SMNDC1: variants seen among roughly 807,000 people sequenced by gnomAD.
SMNDC1 encodes the protein survival motor neuron domain containing 1, also known as survival of motor neuron-related-splicing factor 30.
Under a neutral mutation model 29.2 loss-of-function variants are expected in SMNDC1, and 5 were observed. That is an observed-to-expected ratio of 0.17 (90% confidence interval 0.09 to 0.36). SMNDC1 has a LOEUF of 0.36. Among genes scored for constraint, SMNDC1 ranks in the 10% least tolerant of loss-of-function variants. The pLI is 1.00. For missense variants in SMNDC1, 142 were observed against 268.5 expected (o/e 0.53, Z 3.29); for synonymous variants, 80 against 89.9 (o/e 0.89, Z 0.62).
At chr10:110,302,085 G>C (rs1421570139) in intron 2 of SMNDC1, among the ~76,000 whole-genome samples, 1 of 152,202 alleles carries the variant, frequency 6.6e-6, no homozygotes, top group Non-Finnish European at 1.5e-5. Flanking sequence ...AGTTGGTAAA[G>C]GTAGTCAAGG....
rs537902468 is a variant in SMNDC1 at position 110,303,442 on chromosome 10, A to T, written c.120+26T>A. 7.6e-5 allele frequency: 117 copies of T among 1,538,320 alleles called. 2 individuals carry two copies. The South Asian group carries it at 1.5e-3, about 19-fold the overall frequency. ...AGCAATAATTTGAAAAACAGAGAAA[A>T]AGTACAATTGTCTACCCATACTTAC... is the stretch of plus-strand genomic sequence containing the variant. On this transcript the variant is annotated intron_variant, in intron 2 of 5. Transcript: ENST00000369603.
At chr10:110,303,339 TG>T in intron 2 of SMNDC1, 128 bp downstream of exon 2, 1 of 699,284 alleles carries the variant, frequency 1.4e-6, no homozygotes, top group Non-Finnish European at 2.2e-6. Context: ...CTACAAGCAA[TG>T]GTACCTACAG....
intron 1 of SMNDC1, 79 bp from the exon 2 acceptor site, chr10:110,303,666 T>C: frequency 6.9e-7 from 1 of 1,442,342 alleles, no homozygotes. Context: ...CCTGTCTGCC[T>C]GAATTACCAG....
intron 4 of SMNDC1, among the ~76,000 whole-genome samples, chr10:110,296,098 C>T (rs1253051931): frequency 6.6e-6 from 1 of 152,118 alleles, no homozygotes; most frequent in Non-Finnish European, 1.5e-5. Flanking sequence ...TGAAGAGATT[C>T]GATGCAGATA....
intron 4 of SMNDC1, among the ~76,000 whole-genome samples, chr10:110,296,852 C>T (rs1857568671): frequency 6.6e-6 from 1 of 152,114 alleles, no homozygotes; most frequent in Non-Finnish European, 1.5e-5. Context: ...GCTCACCTCC[C>T]CCCTTTAAAA....
Position 110,293,959 on chromosome 10 carries a change from GATA to G in SMNDC1, c.*188_*190del, listed in dbSNP as rs1185422676. 6.6e-6 allele frequency: 3 copies of G among 456,262 alleles called. No individual in the cohort carries two copies. The highest frequency in any genetic ancestry group is 7.7e-5 in the East Asian group (2 of 26,136). The allele number at this position is 456,262 out of a possible 1,614,324, so 28.3% of individuals were successfully genotyped here. ...CAAACTTTGAGGGAACCGTGGTACT[GATA>G]ATGAGAAAAGTTAAATGAATAGCAG... On this transcript the variant is annotated 3_prime_UTR_variant, in exon 6 of 6. Transcript: ENST00000369603.
rs1175792539 is a variant in SMNDC1 at position 110,291,590 on chromosome 10, A to C, written c.*2560T>G. 1 of 152,216 alleles carries C rather than the reference A, an allele frequency of 6.6e-6. No individual in the cohort carries two copies. Among genetic ancestry groups the C allele is most frequent in the Non-Finnish European group, 1.5e-5 (1 of 68,042 alleles). 9.4% of individuals were successfully genotyped at this position (152,216 alleles called of 1,614,324 possible). The stretch of plus-strand genomic sequence containing the variant: ...TATGCCGGATACTCTTAAGCTATTT[A>C]CACATTTGAATTCAATCCTTAAAAC... On this transcript the variant is annotated 3_prime_UTR_variant, in exon 6 of 6. Transcript: ENST00000369603.
chr10:110,297,202 C>G (rs1170143242), intron 4 of SMNDC1, among the ~76,000 whole-genome samples: 1 of 152,192 alleles, frequency 6.6e-6, no homozygotes, highest in Non-Finnish European at 1.5e-5. Flanking sequence ...AATGTTTACA[C>G]TGTACTATTA....
chr10:110,298,816 A>G (rs1857606109), intron 2 of SMNDC1, 26 bp from the exon 3 acceptor site: 1 of 1,561,800 alleles, frequency 6.4e-7, no homozygotes, highest in South Asian at 1.1e-5. Flanking sequence ...AAAAACTACA[A>G]CATTATTTTT....
chr10:110,301,077 A>G (rs969774983), intron 2 of SMNDC1, among the ~76,000 whole-genome samples: 1 of 152,260 alleles, frequency 6.6e-6, no homozygotes, highest in African/African-American at 2.4e-5. Flanking sequence ...AATAACTGGG[A>G]TAAGGATCTA....
chr10:110,297,522 A>G, intron 4 of SMNDC1, 45 bp downstream of exon 4: 2 of 1,577,682 alleles, frequency 1.3e-6, no homozygotes, highest in Non-Finnish European at 1.7e-6. Flanking sequence ...CAAGTATCCA[A>G]ATGGGGAAGA....
chr10:110,301,284 T>C (rs563105121), intron 2 of SMNDC1, among the ~76,000 whole-genome samples: 70 of 138,334 alleles, frequency 5.1e-4, no homozygotes, highest in Admixed American at 2.1e-3. Context: ...CACAGCAAAA[T>C]AGAAGCTGTT....
chr10:110,303,604 G>C lies in SMNDC1; in HGVS notation c.1-17C>G. The stretch of plus-strand genomic sequence containing the variant: ...CTCTGACATCTAGGGAAAATAAAAA[G>C]GGTTAGACCATGAAAACTAAACCAA... On this transcript the variant is annotated splice_polypyrimidine_tract_variant and intron_variant, in intron 1 of 5. Coordinates refer to ENST00000369603, the MANE Select transcript of SMNDC1 (RefSeq NM_005871.4). The C allele has an allele frequency of 1.9e-6, 3 of 1,554,366 alleles. No homozygotes were observed. Among genetic ancestry groups the C allele is most frequent in the South Asian group, 1.3e-5 (1 of 79,662 alleles).
chr10:110,293,175 G>A lies in SMNDC1; in HGVS notation c.*975C>T, dbSNP rs948092644. On this transcript the variant is annotated 3_prime_UTR_variant, in exon 6 of 6. Coordinates refer to ENST00000369603, the MANE Select transcript of SMNDC1 (RefSeq NM_005871.4). ...TGTATTTGGCTTAAACTCAACTCAGGATAACTGTGATGATGTTCACTTACA... is the reference window on the plus strand; with the variant it reads ...TGTATTTGGCTTAAACTCAACTCAGAATAACTGTGATGATGTTCACTTACA... The A allele has an allele frequency of 6.6e-6, 1 of 152,532 alleles. No individual in the cohort carries two copies. The highest frequency in any genetic ancestry group is 1.5e-5 in the Non-Finnish European group (1 of 68,018). 9.4% of individuals were successfully genotyped at this position (152,532 alleles called of 1,614,324 possible).
chr10:110,295,415 G>C, intron 4 of SMNDC1, 34 bp from the exon 5 acceptor site: 1 of 1,534,256 alleles, frequency 6.5e-7, no homozygotes, highest in Non-Finnish European at 8.7e-7. Flanking sequence ...CAACTGTTAA[G>C]ACTTATCATA....
In SMNDC1 at chr10:110,298,720, A is replaced by G. The variant is rs1315570855; in HGVS notation, c.191T>C (p.Phe64Ser). 3.1e-6 allele frequency: 5 copies of G among 1,613,784 alleles called. No individual in the cohort carries two copies. The South Asian group carries it at 3.3e-5, about 11-fold the overall frequency. The change falls in exon 3 of 6, where the codon TTT becomes TCT. Residue 64 changes from phenylalanine to serine, a missense_variant. By Grantham distance (155) the Phe-to-Ser change is radical. This residue lies in a region of SMNDC1 where 65 missense variants were observed against 75.9 expected (regional missense o/e 0.86). Transcript: ENST00000369603. ...TGAATGAGTAGGTTGAGTAGAAGCA[A>G]AACTGTCTGAACTTGCAAGCGTCTC... ...PSETLASSDS[F>S]ASTQPTHSWK...
intron 4 of SMNDC1, among the ~76,000 whole-genome samples, chr10:110,296,710 T>A (rs1400343490): frequency 2.0e-5 from 3 of 152,158 alleles, no homozygotes; most frequent in Non-Finnish European, 4.4e-5. Context: ...TCACATCATA[T>A]CCCCTCTACT....
At chr10:110,296,733 G>A (rs183760825) in intron 4 of SMNDC1, among the ~76,000 whole-genome samples, 5 of 151,982 alleles carry the variant, frequency 3.3e-5, no homozygotes, top group African/African-American at 9.7e-5. Context: ...AAATGTTATC[G>A]GTGGCTTACA....
chr10:110,298,610 T>G, intron 3 of SMNDC1, 38 bp downstream of exon 3: 1 of 1,542,374 alleles, frequency 6.5e-7, no homozygotes, highest in Non-Finnish European at 8.8e-7. Flanking sequence ...TATTTTATTA[T>G]TTCATGTTAT....
Sources: allele counts gnomAD v4.1 joint callset (sites outside exome capture counted in the v4.1 genomes callset), GRCh38; gene constraint gnomAD v4.1.1; regional missense constraint gnomAD v4.1.1; transcripts MANE v1.5; gene names NCBI Gene and HGNC (gene_info 2026-07-23, HGNC 2026-07-21).